Variants in KRT77 observed in about 807,000 individuals in gnomAD.
The protein encoded by KRT77 is keratin, type II cytoskeletal 1b.
A neutral mutation model predicts 51.5 loss-of-function variants in KRT77; 44 were observed. The ratio of observed to expected loss-of-function variants is 0.85; its 90% CI spans 0.67 to 1.10. KRT77 has a LOEUF of 1.10. Ranked by LOEUF, KRT77 falls within the 50% of genes least tolerant of loss-of-function variation. KRT77 has a pLI of 0.00. For synonymous variants in KRT77, 293 were observed against 302.0 expected (o/e 0.97, Z 0.31); for missense variants, 763 against 743.9 (o/e 1.03, Z -0.30).
Position 52,701,240 on chromosome 12 carries a change from A to G in KRT77, c.543+1652T>C, listed in dbSNP as rs1036910949. ...CCTCCGAGTAGTGACTCCTTGCTCC[A>G]GTGAAACCCTCTAACCCCTGCCTTT... On this transcript the variant is annotated intron_variant, in intron 1 of 8. Coordinates refer to ENST00000341809, the MANE Select transcript of KRT77 (RefSeq NM_175078.3). 1.3e-5 allele frequency among the ~76,000 whole-genome samples: 2 copies of G among 152,306 alleles called. 1 individual carries two copies. The highest frequency in any genetic ancestry group is 4.8e-5 in the African/African-American group (2 of 41,564).
At chr12:52,701,871 G>C (rs923805508) in intron 1 of KRT77, among the ~76,000 whole-genome samples, 1 of 152,138 alleles carries the variant, frequency 6.6e-6, no homozygotes, top group African/African-American at 2.4e-5. Flanking sequence ...CCCACCACCA[G>C]GGCATTCACC....
At chr12:52,692,965 C>A in intron 5 of KRT77, 85 bp from the exon 6 acceptor site, 1 of 1,467,708 alleles carries the variant, frequency 6.8e-7, no homozygotes, top group South Asian at 1.2e-5. Context: ...CTGCTCTCCC[C>A]TGGGAGATTC....
intron 8 of KRT77, 124 bp from the exon 9 acceptor site, chr12:52,691,563 T>A: frequency 8.8e-7 from 1 of 1,130,146 alleles, no homozygotes; most frequent in Non-Finnish European, 1.2e-6. Context: ...GCAAACCCCA[T>A]ACATTGAAAA....
At chr12:52,701,192 C>A (rs116830943) in intron 1 of KRT77, among the ~76,000 whole-genome samples, 158 of 152,362 alleles carry the variant, frequency 1.0e-3, no homozygotes, top group African/African-American at 3.7e-3. Context: ...CTCCTCCCTG[C>A]TCCTCTCTTG....
chr12:52,703,016 G>T lies in KRT77; in HGVS notation c.419C>A (p.Thr140Asn). Residue 140 changes from threonine to asparagine, a missense_variant, in exon 1 of 9, where the codon ACC becomes AAC. Thr to Asn is a moderately conservative substitution (Grantham distance 65). Coordinates refer to ENST00000341809, the MANE Select transcript of KRT77 (RefSeq NM_175078.3). Reference protein sequence around the residue: ...YCPPGGIQEVTINQSLLEPLH... With the variant: ...YCPPGGIQEVNINQSLLEPLH... ...TGGCTCTAGGAGGCTCTGGTTAATG[G>T]TCACCTCTTGGATGCCCCCAGGAGG... is the stretch of plus-strand genomic sequence containing the variant. The T allele has an allele frequency of 1.2e-6, 2 of 1,613,958 alleles. No homozygotes were observed. Among genetic ancestry groups the T allele is most frequent in the Non-Finnish European group, 8.5e-7 (1 of 1,179,984 alleles).
chr12:52,697,547 C>A, intron 2 of KRT77, 135 bp downstream of exon 2: 1 of 555,034 alleles, frequency 1.8e-6, no homozygotes, highest in Non-Finnish European at 3.4e-6. Flanking sequence ...AACAGTGCCT[C>A]CTGCAGTTGT....
Position 52,692,936 on chromosome 12 carries a change from AG to A in KRT77, c.1081-57del. On this transcript the variant is annotated intron_variant, in intron 5 of 8. Coordinates refer to ENST00000341809, the MANE Select transcript of KRT77 (RefSeq NM_175078.3). ...TGTGCTGCCCACCACAAGCCCCTCC[AG>A]GAGGGAGTAGGTCTGGGCTGCTCTC... is the stretch of plus-strand genomic sequence containing the variant. 4 of 1,579,760 alleles carry A rather than the reference AG, an allele frequency of 2.5e-6. No individual in the cohort carries two copies. The South Asian group carries it at 4.5e-5, about 18-fold the overall frequency.
chr12:52,701,072 C>A (rs1002812662), intron 1 of KRT77, among the ~76,000 whole-genome samples: 1 of 152,240 alleles, frequency 6.6e-6, no homozygotes, highest in African/African-American at 2.4e-5. Flanking sequence ...AGCCTCTGCC[C>A]ACTGCCCTAT....
intron 1 of KRT77, among the ~76,000 whole-genome samples, chr12:52,699,200 T>G (rs893804542): frequency 6.6e-5 from 10 of 151,896 alleles, no homozygotes; most frequent in African/African-American, 2.4e-4. Context: ...TCCCAGGGAG[T>G]GAAGAAATCA....
At chr12:52,692,170 G>C (rs1941720485) in intron 7 of KRT77, among the ~76,000 whole-genome samples, 198 bp from the exon 8 acceptor site, 1 of 152,224 alleles carries the variant, frequency 6.6e-6, no homozygotes, top group African/African-American at 2.4e-5. Flanking sequence ...TGAATACCCA[G>C]CTGCAGAGGC....
chr12:52,703,357 G>A lies in KRT77; in HGVS notation c.78C>T (p.Gly26=). The change falls in exon 1 of 9, where the codon GGC becomes GGT. Residue 26 remains glycine, a synonymous_variant. Coordinates refer to ENST00000341809, the MANE Select transcript of KRT77 (RefSeq NM_175078.3). ...RRVYSTSSSA[G]SGGGSPAVGS... ...CCACTGCCGGACTCCCACCACCAGA[G>A]CCTGCAGAAGAGCTGGTACTATAAA... is the stretch of plus-strand genomic sequence containing the variant. 1 of 1,613,988 alleles carries A rather than the reference G, an allele frequency of 6.2e-7. No homozygotes were observed. The highest frequency in any genetic ancestry group is 2.2e-5 in the East Asian group (1 of 44,876).
At chr12:52,700,679 A>G (rs149214170) in intron 1 of KRT77, among the ~76,000 whole-genome samples, 203 of 152,260 alleles carry the variant, frequency 1.3e-3, no homozygotes, top group Non-Finnish European at 1.9e-3. Context: ...AAGCTGTTCC[A>G]CCCAGTGAGG....
At position 52,692,459 on chromosome 12, in the gene KRT77, G is replaced by T. The variant is rs776967209; in HGVS notation, c.1389C>A (p.Ile463=). 1 of 1,613,922 alleles carries T rather than the reference G, an allele frequency of 6.2e-7. No individual in the cohort carries two copies. Among genetic ancestry groups the T allele is most frequent in the Non-Finnish European group, 8.5e-7 (1 of 1,180,004 alleles). ...CCTCCAGCAGCTGGCGGTAGGTGGC[G>T]ATCTCCACATCCAGGGACAGCTTGA... The part of the protein sequence containing the change: ...LGVKLSLDVE[I]ATYRQLLEGE... Residue 463 remains isoleucine (I), a synonymous_variant, in exon 7 of 9, where the codon ATC becomes ATA. Transcript: ENST00000341809.
chr12:52,697,829 G>C lies in KRT77; in HGVS notation c.611C>G (p.Thr204Ser). The C allele has an allele frequency of 6.2e-7, 1 of 1,614,106 alleles. No homozygotes were observed. The highest frequency in any genetic ancestry group is 8.5e-7 in the Non-Finnish European group (1 of 1,179,994). Residue 204 changes from threonine to serine, a missense_variant, in exon 2 of 9, where the codon ACC (threonine) becomes AGC (serine). Physicochemically the swap from Thr to Ser is moderately conservative, Grantham distance 58. Coordinates refer to ENST00000341809, the MANE Select transcript of KRT77 (RefSeq NM_175078.3). ...CTCCAGGTTGTTGGTTCCAGTTGAGGTGTTCACCTGCTGCAGCAACTCCCA... is the reference window on the plus strand; with the variant it reads ...CTCCAGGTTGTTGGTTCCAGTTGAGCTGTTCACCTGCTGCAGCAACTCCCA... The part of the protein sequence containing the change: ...TKWELLQQVN[T>S]STGTNNLEPL...
At chr12:52,700,114 C>T (rs532939522) in intron 1 of KRT77, among the ~76,000 whole-genome samples, 3 of 152,314 alleles carry the variant, frequency 2.0e-5, no homozygotes, top group South Asian at 4.1e-4. Flanking sequence ...AAGCCTTTGG[C>T]TCCATTTCCA....
At chr12:52,692,229 CAAT>C (rs575407251) in intron 7 of KRT77, among the ~76,000 whole-genome samples, 189 bp downstream of exon 7, 558 of 152,328 alleles carry the variant, frequency 3.7e-3, no homozygotes, top group Non-Finnish European at 6.1e-3. Flanking sequence ...GGAATGATAA[CAAT>C]GACTTCTCCC....
intron 5 of KRT77, chr12:52,693,783 G>T (rs1304073740): frequency 6.6e-6 from 1 of 151,030 alleles, no homozygotes; most frequent in East Asian, 1.9e-4. Flanking sequence ...TAAAAATGCG[G>T]CAGGTTATTT....
rs1284236914 is a variant in KRT77 at position 52,689,977 on chromosome 12, G to C, written c.*1188C>G. ...AGAGAACAGAAGGCAGGAGGGACTAGAGAGGTCTGGGAAAGGGCATTAAAA... is the reference window on the plus strand; with the variant it reads ...AGAGAACAGAAGGCAGGAGGGACTACAGAGGTCTGGGAAAGGGCATTAAAA... On this transcript the variant is annotated 3_prime_UTR_variant, in exon 9 of 9. Coordinates refer to ENST00000341809, the MANE Select transcript of KRT77 (RefSeq NM_175078.3). The C allele has an allele frequency of 3.3e-5, 5 of 152,270 alleles. No homozygotes were observed. The highest frequency in any genetic ancestry group is 2.0e-4 in the Admixed American group (3 of 15,284). 9.4% of individuals were successfully genotyped at this position (152,270 alleles called of 1,614,324 possible).
chr12:52,697,896 C>T lies in KRT77; in HGVS notation c.544G>A (p.Val182Met), dbSNP rs762004603. 40 of 1,613,482 alleles carry T rather than the reference C, an allele frequency of 2.5e-5. 1 individual carries two copies. The South Asian group carries it at 4.2e-4, about 17-fold the overall frequency. Residue 182 changes from valine (V) to methionine (M), a missense_variant and splice_region_variant, in exon 2 of 9, where the codon GTG becomes ATG. Physicochemically the swap from Val to Met is conservative, Grantham distance 21. Transcript: ENST00000341809. ...TGGTTCTGCTGCTCCAGGAATCGCACCTAAGAGCAAGAGACCCCAGTCCAC... is the reference window on the plus strand; with the variant it reads ...TGGTTCTGCTGCTCCAGGAATCGCATCTAAGAGCAAGAGACCCCAGTCCAC... ...NNKFASFIDK[V>M]RFLEQQNQVL...
Sources: allele counts gnomAD v4.1 joint callset (sites outside exome capture counted in the v4.1 genomes callset), GRCh38; gene constraint gnomAD v4.1.1; transcripts MANE v1.5; gene names NCBI Gene and HGNC (gene_info 2026-07-23, HGNC 2026-07-21).